STK24: variants seen among roughly 807,000 people sequenced by gnomAD.
The protein encoded by STK24 is serine/threonine-protein kinase 24.
Under a neutral mutation model 55.6 loss-of-function variants are expected in STK24, and 21 were observed. The ratio of observed to expected loss-of-function variants is 0.38; its 90% CI spans 0.27 to 0.54. STK24 has a LOEUF of 0.54. Ranked by LOEUF, STK24 falls within the 20% of genes least tolerant of loss-of-function variation. The probability of loss-of-function intolerance (pLI) is 0.79; values close to 1 mark genes in which losing one functional copy is unlikely to be tolerated. For synonymous variants in STK24, 200 were observed against 215.2 expected (o/e 0.93, Z 0.62); for missense variants, 383 against 538.4 (o/e 0.71, Z 2.86).
At chr13:98,487,645 C>T (rs1894857560) in intron 2 of STK24, among the ~76,000 whole-genome samples, 1 of 152,192 alleles carries the variant, frequency 6.6e-6, no homozygotes, top group African/African-American at 2.4e-5. Flanking sequence ...CTGTTGTTTA[C>T]CTTGCTTTTT....
At chr13:98,456,494 A>G (rs1478268857) in intron 10 of STK24, 1 of 514,396 alleles carries the variant, frequency 1.9e-6, no homozygotes, top group South Asian at 1.5e-5. Context: ...GCACACATCC[A>G]CTGCCTCCAA....
intron 1 of STK24, among the ~76,000 whole-genome samples, chr13:98,527,670 G>T (rs1188616991): frequency 6.6e-6 from 1 of 152,160 alleles, no homozygotes; most frequent in East Asian, 1.9e-4. Context: ...AGGCAAACCT[G>T]AGCGGGGAGG....
At chr13:98,469,569 G>A (rs1388447487) in intron 5 of STK24, among the ~76,000 whole-genome samples, 2 of 151,716 alleles carry the variant, frequency 1.3e-5, no homozygotes, top group Non-Finnish European at 2.9e-5. Flanking sequence ...GCGGGGGGAG[G>A]ACATCCTACT....
Position 98,519,363 on chromosome 13 carries a change from G to A in STK24, c.153C>T (p.Ala51=), listed in dbSNP as rs1896179349. ...GIDNRTQKVV[A]IKIIDLEEAE... ...CTTCTTCCAGATCAATGATCTTTAT[G>A]GCAACCACTTTCTGAGTCCGATTGT... is the stretch of plus-strand genomic sequence containing the variant. Residue 51 remains alanine (A), a synonymous_variant, in exon 2 of 11, where the codon GCC becomes GCT. Coordinates refer to ENST00000539966, the MANE Select transcript of STK24 (RefSeq NM_001032296.4). 1.9e-6 allele frequency: 3 copies of A among 1,614,014 alleles called. No individual in the cohort carries two copies. The highest frequency in any genetic ancestry group is 2.5e-6 in the Non-Finnish European group (3 of 1,180,040).
In STK24 at chr13:98,460,741, C is replaced by T. The variant is rs551373962; in HGVS notation, c.1054-301G>A. Among the ~76,000 whole-genome samples the T allele has an allele frequency of 1.2e-4, 18 of 152,246 alleles. No homozygotes were observed. In the South Asian group the frequency reaches 3.3e-3, roughly 28 times the overall value. ...GTGAACTGCCTCGTCTTGCTATCTA[C>T]GCAGAAGTGCTTTACTGGTTGGGCG... On this transcript the variant is annotated intron_variant, in intron 8 of 10. Coordinates refer to ENST00000539966, the MANE Select transcript of STK24 (RefSeq NM_001032296.4).
chr13:98,545,794 G>C (rs1897015094), intron 1 of STK24, among the ~76,000 whole-genome samples: 1 of 152,146 alleles, frequency 6.6e-6, no homozygotes, highest in African/African-American at 2.4e-5. Context: ...TTCTATATTA[G>C]ATGAAACATC....
At chr13:98,489,020 T>A (rs560806566) in intron 2 of STK24, among the ~76,000 whole-genome samples, 1 of 152,226 alleles carries the variant, frequency 6.6e-6, no homozygotes, top group African/African-American at 2.4e-5. Flanking sequence ...CTTAAGAGCG[T>A]GAGTTTTTGT....
At chr13:98,466,683 T>G in intron 5 of STK24, 122 bp from the exon 6 acceptor site, 1 of 1,115,562 alleles carries the variant, frequency 9.0e-7, no homozygotes, top group Non-Finnish European at 1.2e-6. Flanking sequence ...TATTTTTAAC[T>G]GATATTTAAA....
chr13:98,548,508 C>G (rs1897082822), intron 1 of STK24, among the ~76,000 whole-genome samples: 1 of 152,198 alleles, frequency 6.6e-6, no homozygotes, highest in Non-Finnish European at 1.5e-5. Flanking sequence ...TCAAATCACA[C>G]AGCTGATGAT....
At position 98,448,028 on chromosome 13, in the gene STK24, T is replaced by G; in HGVS notation, c.*5145A>C. The G allele has an allele frequency of 1.7e-6, 1 of 595,300 alleles. No individual in the cohort carries two copies. Among genetic ancestry groups the G allele is most frequent in the Non-Finnish European group, 3.0e-6 (1 of 331,564 alleles). The allele number at this position is 595,300 out of a possible 1,614,324, so 36.9% of individuals were successfully genotyped here. On this transcript the variant is annotated 3_prime_UTR_variant, in exon 11 of 11. Transcript: ENST00000539966. ...GTCACTGCAGCAAGGTACTTCCAGC[T>G]CCACACTGAGTGAGTGCCCAGGCCA...
At chr13:98,475,055 C>G in intron 4 of STK24, 77 bp from the exon 5 acceptor site, 2 of 1,514,456 alleles carry the variant, frequency 1.3e-6, no homozygotes, top group Non-Finnish European at 1.8e-6. Flanking sequence ...CGTCTTCTCC[C>G]TGGCTGGGTG....
At chr13:98,549,470 C>A (rs958526132) in intron 1 of STK24, among the ~76,000 whole-genome samples, 1 of 152,174 alleles carries the variant, frequency 6.6e-6, no homozygotes, top group Non-Finnish European at 1.5e-5. Context: ...GGAGGTGGGG[C>A]CTGCTGGGAG....
chr13:98,453,193 C>T lies in STK24; in HGVS notation c.1276G>A (p.Gly426Arg), dbSNP rs762324256. 6.2e-7 allele frequency: 1 copy of T among 1,613,486 alleles called. No individual in the cohort carries two copies. The highest frequency in any genetic ancestry group is 8.5e-7 in the Non-Finnish European group (1 of 1,179,760). The change falls in exon 11 of 11, where the codon GGA becomes AGA. Residue 426 changes from glycine to arginine, a missense_variant. Coordinates refer to ENST00000539966, the MANE Select transcript of STK24 (RefSeq NM_001032296.4). Reference protein sequence around the residue: ...QRLQRYSLSGGGTSSH With the variant: ...QRLQRYSLSGRGTSSH ...GAATTTCAGTGGGATGAAGTTCCTCCACCACTTAGAGAGTATCTAGGGAAA... is the reference window on the plus strand; with the variant it reads ...GAATTTCAGTGGGATGAAGTTCCTCTACCACTTAGAGAGTATCTAGGGAAA...
At chr13:98,555,571 T>C (rs1480698164) in intron 1 of STK24, among the ~76,000 whole-genome samples, 1 of 151,380 alleles carries the variant, frequency 6.6e-6, no homozygotes, top group African/African-American at 2.4e-5. Flanking sequence ...AGAGTGAGAC[T>C]CCGTCTCAAT....
intron 2 of STK24, among the ~76,000 whole-genome samples, chr13:98,506,576 C>T (rs1297102864): frequency 6.6e-6 from 1 of 152,214 alleles, no homozygotes; most frequent in Admixed American, 6.5e-5. Flanking sequence ...GCAGCTCCTC[C>T]GTTATCAATC....
chr13:98,463,768 C>T lies in STK24; in HGVS notation c.852G>A (p.Leu284=). The T allele has an allele frequency of 5.0e-6, 8 of 1,614,164 alleles. No individual in the cohort carries two copies. Among genetic ancestry groups the T allele is most frequent in the East Asian group, 2.2e-5 (1 of 44,878 alleles). Residue 284 remains leucine (L), a synonymous_variant, in exon 7 of 11, where the codon TTG becomes TTA. Transcript: ENST00000539966. ...TCTTGTACCTGTCGATGAGCTCGGT[C>T]AAGTAGGAAGTTTTCTTTGCATTGC... ...ILRNAKKTSY[L]TELIDRYKRW...
chr13:98,478,534 C>A (rs1894469320), intron 3 of STK24, among the ~76,000 whole-genome samples: 1 of 152,240 alleles, frequency 6.6e-6, no homozygotes, highest in South Asian at 2.1e-4. Context: ...AGCCACCCAC[C>A]AGCACAGACC....
Position 98,452,865 on chromosome 13 carries a change from G to T in STK24, c.*308C>A. Reference sequence around the variant, plus strand: ...CATAATCCCAAATATACATTTCAGGGTTTGTTTTTGTTTTTAAAGACACTT... The same window carrying T: ...CATAATCCCAAATATACATTTCAGGTTTTGTTTTTGTTTTTAAAGACACTT... On this transcript the variant is annotated 3_prime_UTR_variant, in exon 11 of 11. Coordinates refer to ENST00000539966, the MANE Select transcript of STK24 (RefSeq NM_001032296.4). 3.3e-6 allele frequency: 1 copy of T among 298,956 alleles called. No individual in the cohort carries two copies. Among genetic ancestry groups the T allele is most frequent in the East Asian group, 5.9e-5 (1 of 16,998 alleles). 18.5% of individuals were successfully genotyped at this position (298,956 alleles called of 1,614,324 possible).
chr13:98,563,076 C>A (rs939474755), intron 1 of STK24, among the ~76,000 whole-genome samples: 2 of 152,164 alleles, frequency 1.3e-5, no homozygotes, highest in African/African-American at 4.8e-5. Context: ...CCACAACATA[C>A]ACAGTAATGC....
Sources: allele counts gnomAD v4.1 joint callset (sites outside exome capture counted in the v4.1 genomes callset), GRCh38; gene constraint gnomAD v4.1.1; transcripts MANE v1.5; gene names NCBI Gene and HGNC (gene_info 2026-07-23, HGNC 2026-07-21).